Variants in PCLO observed in about 807,000 individuals in gnomAD.
The protein encoded by PCLO is piccolo presynaptic cytomatrix protein, also known as protein piccolo.
A neutral mutation model predicts 427.5 loss-of-function variants in PCLO; 82 were observed. That is an observed-to-expected ratio of 0.19 (90% confidence interval 0.16 to 0.23). The LOEUF (loss-of-function observed/expected upper bound fraction) is 0.23. PCLO is among the 10% of genes least tolerant of loss of function. The pLI is 1.00. For missense variants in PCLO, 6,239 were observed against 6,115.9 expected (o/e 1.02, Z -0.67); for synonymous variants, 2,357 against 2,155.4 (o/e 1.09, Z -2.59).
chr7:83,094,554 A>G (rs1351291635), intron 3 of PCLO, among the ~76,000 whole-genome samples: 1 of 152,158 alleles, frequency 6.6e-6, no homozygotes, highest in Non-Finnish European at 1.5e-5. Context: ...GACTATTCAG[A>G]TTGTTGTATC....
rs559431588 is a variant in PCLO at position 83,114,924 on chromosome 7, T to C, written c.3300+19326A>G. On this transcript the variant is annotated intron_variant, in intron 3 of 24. Transcript: ENST00000333891. ...TTATTTCAGTCTTTCAAGTCTATTA[T>C]TAAGGGTTTTGTATAGTACTTAGAT... Among the ~76,000 whole-genome samples, 10 of 152,218 alleles carry C rather than the reference T, an allele frequency of 6.6e-5. No homozygotes were observed. The East Asian group carries it at 1.5e-3, about 24-fold the overall frequency.
At chr7:82,873,218 T>C (rs1463980158) in intron 10 of PCLO, among the ~76,000 whole-genome samples, 1 of 140,284 alleles carries the variant, frequency 7.1e-6, no homozygotes, top group Non-Finnish European at 1.5e-5. Flanking sequence ...CGAACCTTTT[T>C]AATGAAAATT....
chr7:82,980,670 G>A (rs888063434), intron 3 of PCLO, among the ~76,000 whole-genome samples: 6 of 152,106 alleles, frequency 3.9e-5, no homozygotes, highest in African/African-American at 1.2e-4. Flanking sequence ...AAGAGGATAA[G>A]TTTACCCTGA....
In PCLO at chr7:82,952,602, A is replaced by G. The variant is rs757782360; in HGVS notation, c.8351T>C (p.Ile2784Thr). Residue 2784 changes from isoleucine (I) to threonine (T), a missense_variant, in exon 5 of 25, where the codon ATA becomes ACA. Physicochemically the swap from Ile to Thr is moderately conservative, Grantham distance 89. Transcript: ENST00000333891. Reference sequence around the variant, plus strand: ...AGTGGCCAGAGATACAGGAGTCACTATTGATGATGTCACACTAAGATTTAT... The same window carrying G: ...AGTGGCCAGAGATACAGGAGTCACTGTTGATGATGTCACACTAAGATTTAT... ...SIINLSVTSS[I>T]VTPVSLATET... is the part of the protein sequence containing the mutation. 6.2e-7 allele frequency: 1 copy of G among 1,613,906 alleles called. No individual in the cohort carries two copies. The highest frequency in any genetic ancestry group is 1.7e-5 in the Admixed American group (1 of 60,024).
At chr7:82,863,153 A>T in intron 10 of PCLO, among the ~76,000 whole-genome samples, 1 of 152,022 alleles carries the variant, frequency 6.6e-6, no homozygotes, top group East Asian at 1.9e-4. Context: ...AAAATTAAAA[A>T]TTAAAAAGTT....
chr7:82,849,485 T>C (rs915153256), intron 10 of PCLO, among the ~76,000 whole-genome samples: 1 of 152,156 alleles, frequency 6.6e-6, no homozygotes, highest in Non-Finnish European at 1.5e-5. Flanking sequence ...TGAGACACCA[T>C]AGGGAAGATG....
At chr7:83,140,512 T>C (rs945691969) in intron 2 of PCLO, among the ~76,000 whole-genome samples, 1 of 152,198 alleles carries the variant, frequency 6.6e-6, no homozygotes, top group African/African-American at 2.4e-5. Flanking sequence ...GTAGTCTTTC[T>C]ATTAATCTCC....
chr7:82,775,247 A>G (rs1790725735), intron 22 of PCLO, among the ~76,000 whole-genome samples: 1 of 152,204 alleles, frequency 6.6e-6, no homozygotes, highest in Admixed American at 6.5e-5. Flanking sequence ...CCTTTGGGTA[A>G]ATATTAAATA....
chr7:83,010,945 T>G (rs568164684), intron 3 of PCLO, among the ~76,000 whole-genome samples: 1 of 152,200 alleles, frequency 6.6e-6, no homozygotes, highest in Admixed American at 6.6e-5. Flanking sequence ...CATAAATTCT[T>G]TCTTTCCAAC....
intron 3 of PCLO, among the ~76,000 whole-genome samples, chr7:83,121,819 C>G (rs1280621464): frequency 6.6e-6 from 1 of 151,260 alleles, no homozygotes; most frequent in Non-Finnish European, 1.5e-5. Flanking sequence ...AAGTGAGAGG[C>G]TATAGCCCTG....
chr7:83,072,362 T>C (rs867661250), intron 3 of PCLO, among the ~76,000 whole-genome samples: 1 of 151,980 alleles, frequency 6.6e-6, no homozygotes, highest in African/African-American at 2.4e-5. Flanking sequence ...AATAAAAAAG[T>C]CCTTTTTTAT....
chr7:82,907,701 G>T (rs1382914867), intron 8 of PCLO, among the ~76,000 whole-genome samples: 1 of 151,700 alleles, frequency 6.6e-6, no homozygotes, highest in Non-Finnish European at 1.5e-5. Context: ...AATATGTATT[G>T]AAGATATGAA....
At chr7:82,910,118 C>T (rs1308088711) in intron 7 of PCLO, among the ~76,000 whole-genome samples, 2 of 149,502 alleles carry the variant, frequency 1.3e-5, no homozygotes, top group Admixed American at 1.4e-4. Flanking sequence ...TTCCTAAACA[C>T]TAGAAGGAAC....
At chr7:82,813,196 G>C (rs1309009444) in intron 20 of PCLO, among the ~76,000 whole-genome samples, 1 of 151,702 alleles carries the variant, frequency 6.6e-6, no homozygotes, top group Non-Finnish European at 1.5e-5. Context: ...TAAAGAGGAA[G>C]TTTGGACAGT....
At position 83,156,377 on chromosome 7, in the gene PCLO, A is replaced by C; in HGVS notation, c.264T>G (p.Asp88Glu). The C allele has an allele frequency of 2.6e-6, 4 of 1,559,118 alleles. No individual in the cohort carries two copies. Among genetic ancestry groups the C allele is most frequent in the Non-Finnish European group, 3.5e-6 (4 of 1,148,066 alleles). ...CTGATTGCTTTGGAGGATGACTACT[A>C]TCCAACTCTTGTTTCCTAGAAGAGT... is the stretch of plus-strand genomic sequence containing the variant. ...SPSMHRKQEL[D>E]SSHPPKQSGR... Residue 88 changes from aspartate (D) to glutamate (E), a missense_variant, in exon 2 of 25, where the codon GAT (aspartate) becomes GAG (glutamate). Around this residue, in one of 5 missense-constraint regions of PCLO, gnomAD observed 4,677 missense variants for 4,468.4 expected, o/e 1.05. Transcript: ENST00000333891.
intron 3 of PCLO, among the ~76,000 whole-genome samples, chr7:83,080,069 G>C (rs1790056991): frequency 1.3e-5 from 2 of 152,108 alleles, no homozygotes; most frequent in Admixed American, 1.3e-4. Flanking sequence ...TTTCATGGCT[G>C]CATAGTATTC....
chr7:82,796,512 A>G (rs1791226718), intron 22 of PCLO, among the ~76,000 whole-genome samples: 1 of 152,022 alleles, frequency 6.6e-6, no homozygotes, highest in Admixed American at 6.6e-5. Context: ...GACCTTGTTC[A>G]ACTTTCAAAG....
At chr7:83,127,188 A>C (rs1262750754) in intron 3 of PCLO, among the ~76,000 whole-genome samples, 1 of 152,064 alleles carries the variant, frequency 6.6e-6, no homozygotes, top group East Asian at 1.9e-4. Flanking sequence ...TTATAAATAC[A>C]ACGATACCTT....
intron 3 of PCLO, among the ~76,000 whole-genome samples, chr7:83,133,836 G>A (rs115542496): frequency 0.014 from 2,204 of 152,080 alleles, 74 homozygotes; most frequent in African/African-American, 0.05. Flanking sequence ...AGACTGGAAG[G>A]ATTAGAGATG....
Sources: gnomAD v4.1 joint callset for allele counts (sites outside exome capture counted in the v4.1 genomes callset) on GRCh38, gnomAD v4.1.1 for gene constraint, gnomAD v4.1.1 regional missense constraint, MANE v1.5 for transcripts, NCBI Gene and HGNC (gene_info 2026-07-23, HGNC 2026-07-21) for gene names.